The following FAM131B variants were observed in gnomAD, a reference collection of about 807,000 sequenced individuals.
FAM131B encodes the protein protein FAM131B.
A neutral mutation model predicts 42.0 loss-of-function variants in FAM131B; 19 were observed. That is an observed-to-expected ratio of 0.45 (90% CI 0.32 to 0.66). FAM131B has a LOEUF of 0.66. Among genes scored for constraint, FAM131B ranks in the 30% least tolerant of loss-of-function variants. FAM131B has a pLI of 0.05. For missense variants in FAM131B, 370 were observed against 468.4 expected (o/e 0.79, Z 1.94); for synonymous variants, 183 against 177.6 (o/e 1.03, Z -0.24).
At chr7:143,369,251 C>A in the FAM131B span, among the ~76,000 whole-genome samples, 1 of 152,200 alleles carries the variant, frequency 6.6e-6, no homozygotes, top group African/African-American at 2.4e-5. Flanking sequence ...CTAAGATGCA[C>A]CCCTAAAGCT....
At position 143,362,414 on chromosome 7, in the gene FAM131B, G is replaced by A. The variant is rs939707740; in HGVS notation, c.28+162C>T. On this transcript the variant is annotated intron_variant, in intron 1 of 6. Coordinates refer to ENST00000443739, the MANE Select transcript of FAM131B (RefSeq NM_001031690.3). The surrounding 1 kb of genome is among the most constrained non-coding windows in gnomAD (Gnocchi z 7.7). Reference sequence around the variant, plus strand: ...GCAAGACGAGAGCGGGCAGGAAGGAGGGACAGAGGGACCGCGGGCGGACGG... The same window carrying A: ...GCAAGACGAGAGCGGGCAGGAAGGAAGGACAGAGGGACCGCGGGCGGACGG... 6.6e-6 allele frequency among the ~76,000 whole-genome samples: 1 copy of A among 152,032 alleles called. No homozygotes were observed. The highest frequency in any genetic ancestry group is 2.4e-5 in the African/African-American group (1 of 41,404).
In FAM131B at chr7:143,353,602, G is replaced by A. The variant is rs1055531678; in HGVS notation, c.*2948C>T. On this transcript the variant is annotated 3_prime_UTR_variant, in exon 7 of 7. Coordinates refer to ENST00000443739, the MANE Select transcript of FAM131B (RefSeq NM_001031690.3). ...AATTCTCTCTATAATATATGTCATA[G>A]AATCTCTCTTGGGCCTGGCGTGGGA... 6.6e-6 allele frequency: 1 copy of A among 152,524 alleles called. No individual in the cohort carries two copies. The highest frequency in any genetic ancestry group is 1.5e-5 in the Non-Finnish European group (1 of 68,032). 9.4% of individuals were successfully genotyped at this position (152,524 alleles called of 1,614,324 possible). A position where few individuals can be genotyped will look rare whatever the true frequency, so the allele number is the denominator to read the frequency against.
At position 143,356,846 on chromosome 7, in the gene FAM131B, T is replaced by C. The variant is rs749135584; in HGVS notation, c.787A>G (p.Met263Val). ...FDDSQPSLHE[M>V]GPSQPASGYS... is the part of the protein sequence containing the mutation. Reference sequence around the variant, plus strand: ...CCTGAAGCTGGTTGGGAAGGTCCCATTTCATGCAAGCTGGGTTGTGAGTCA... The same window carrying C: ...CCTGAAGCTGGTTGGGAAGGTCCCACTTCATGCAAGCTGGGTTGTGAGTCA... The change falls in exon 7 of 7, where the codon ATG becomes GTG. Residue 263 changes from methionine to valine, a missense_variant. Met to Val is a conservative substitution (Grantham distance 21). Transcript: ENST00000443739. The surrounding 1 kb of genome is among the most constrained non-coding windows in gnomAD (Gnocchi z 4.4). 8 of 1,614,070 alleles carry C rather than the reference T, an allele frequency of 5.0e-6. No homozygotes were observed. In the South Asian group the frequency reaches 8.8e-5, roughly 18 times the overall value.
chr7:143,381,753 G>A, the FAM131B span: 1 of 1,586,520 alleles, frequency 6.3e-7, no homozygotes, highest in Non-Finnish European at 8.6e-7. Flanking sequence ...GGCCGGGTGG[G>A]CGAGATTCCC....
At chr7:143,368,660 T>C in the FAM131B span, among the ~76,000 whole-genome samples, 17 of 152,230 alleles carry the variant, frequency 1.1e-4, no homozygotes, top group African/African-American at 4.1e-4. Flanking sequence ...AGCCTGATGG[T>C]TGAGGCTCTA....
chr7:143,382,228 C>G, the FAM131B span: 1 of 1,609,476 alleles, frequency 6.2e-7, no homozygotes. Context: ...CGGCCGACGT[C>G]TTTCTCCTTC....
At chr7:143,365,983 C>T (rs1400848204), upstream of FAM131B, among the ~76,000 whole-genome samples, 2 of 152,144 alleles carry the variant, frequency 1.3e-5, no homozygotes, top group Non-Finnish European at 2.9e-5. Flanking sequence ...AACTCCTGGC[C>T]TCAAGCAATC....
the FAM131B span, among the ~76,000 whole-genome samples, chr7:143,371,992 C>T: frequency 6.6e-5 from 10 of 152,120 alleles, no homozygotes; most frequent in African/African-American, 1.2e-4. Context: ...TAATTTTCTC[C>T]TTGCAACAGG....
rs1803777825 is a variant in FAM131B, at chr7:143,358,257, T to C, written c.466+570A>G. ...CAATACTTCCTTTCTCTTCCAGACC[T>C]ATCCCTTTCTAGGCATCTTATTTAG... On this transcript the variant is annotated intron_variant, in intron 5 of 6. Transcript: ENST00000443739. The surrounding 1 kb of genome is among the most constrained non-coding windows in gnomAD (Gnocchi z 4.7). Among the ~76,000 whole-genome samples the C allele has an allele frequency of 1.3e-5, 2 of 152,192 alleles. No homozygotes were observed. The highest frequency in any genetic ancestry group is 1.3e-4 in the Admixed American group (2 of 15,284).
In FAM131B at chr7:143,359,311, C is replaced by T; in HGVS notation, c.268+15G>A. The T allele has an allele frequency of 6.3e-7, 1 of 1,587,592 alleles. No individual in the cohort carries two copies. The highest frequency in any genetic ancestry group is 1.1e-5 in the South Asian group (1 of 89,900). On this transcript the variant is annotated intron_variant, in intron 4 of 6. Coordinates refer to ENST00000443739, the MANE Select transcript of FAM131B (RefSeq NM_001031690.3). The surrounding 1 kb of genome is among the most constrained non-coding windows in gnomAD (Gnocchi z 5.4). Reference sequence around the variant, plus strand: ...ATTATTTTGTCTGAAGGCATTCTTACATCAGGAGTCTCACCTGAGAATGAT... The same window carrying T: ...ATTATTTTGTCTGAAGGCATTCTTATATCAGGAGTCTCACCTGAGAATGAT...
At chr7:143,382,024 G>A in the FAM131B span, 1 of 606,700 alleles carries the variant, frequency 1.6e-6, no homozygotes, top group Non-Finnish European at 2.8e-6. Context: ...TCCCCTCCGG[G>A]TCCGTTTTCC....
chr7:143,369,393 G>C, the FAM131B span, among the ~76,000 whole-genome samples: 1 of 152,118 alleles, frequency 6.6e-6, no homozygotes, highest in Non-Finnish European at 1.5e-5. Context: ...AAAATGTTTT[G>C]GCCGGGCGCG....
rs1036331677 is a variant in FAM131B at position 143,362,666 on chromosome 7, G to A, written c.-63C>T. 2.1e-5 allele frequency: 21 copies of A among 999,852 alleles called. No homozygotes were observed. In the Admixed American group the frequency reaches 4.2e-4, roughly 20 times the overall value. The allele number at this position is 999,852 out of a possible 1,614,324, so 61.9% of individuals were successfully genotyped here. On this transcript the variant is annotated 5_prime_UTR_variant, in exon 1 of 7. Transcript: ENST00000443739. This position sits in a 1 kb window ranked among gnomAD's most constrained non-coding sequence, Gnocchi z 7.7. ...GGGGCGCGCGCCGGGGGGAGCACCG[G>A]GAGCCGCGCCGCCGCCCCAGCCGCT...
chr7:143,358,880 G>A lies in FAM131B; in HGVS notation c.413C>T (p.Thr138Met), dbSNP rs767327628. ...ATCGCTGAGGTCGGAGTAGGCATCC[G>A]TATCCCTGCGCACGGACTCATGGCT... ...QHSHESVRRDTDAYSDLSDGE... is the reference protein window; with the variant it reads ...QHSHESVRRDMDAYSDLSDGE... Residue 138 changes from threonine to methionine, a missense_variant, in exon 5 of 7, where the codon ACG (threonine) becomes ATG (methionine). Thr to Met is a moderately conservative substitution (Grantham distance 81). Transcript: ENST00000443739. This position sits in a 1 kb window ranked among gnomAD's most constrained non-coding sequence, Gnocchi z 4.7. 2.8e-5 allele frequency: 45 copies of A among 1,613,940 alleles called. No homozygotes were observed. Among genetic ancestry groups the A allele is most frequent in the Non-Finnish European group, 3.4e-5 (40 of 1,180,000 alleles).
Position 143,359,206 on chromosome 7 carries a change from G to A in FAM131B, c.268+120C>T. On this transcript the variant is annotated intron_variant, in intron 4 of 6. Transcript: ENST00000443739. This position sits in a 1 kb window ranked among gnomAD's most constrained non-coding sequence, Gnocchi z 5.4. Reference sequence around the variant, plus strand: ...GGAGGATGGGAGGCTTGACAGAAGGGTGAATAGGTCAGGGGGTGGGGATGA... The same window carrying A: ...GGAGGATGGGAGGCTTGACAGAAGGATGAATAGGTCAGGGGGTGGGGATGA... 1 of 1,012,272 alleles carries A rather than the reference G, an allele frequency of 9.9e-7. No individual in the cohort carries two copies. The highest frequency in any genetic ancestry group is 1.4e-5 in the South Asian group (1 of 69,720). The allele number at this position is 1,012,272 out of a possible 1,614,324, so 62.7% of individuals were successfully genotyped here.
At chr7:143,382,044 C>G in the FAM131B span, 1 of 604,976 alleles carries the variant, frequency 1.7e-6, no homozygotes, top group South Asian at 2.1e-5. Flanking sequence ...CGAAGTGTAA[C>G]GGGAGCTGCA....
chr7:143,359,165 G>A lies in FAM131B; in HGVS notation c.269-141C>T, dbSNP rs1266733942. On this transcript the variant is annotated intron_variant, in intron 4 of 6. Transcript: ENST00000443739. The surrounding 1 kb of genome is among the most constrained non-coding windows in gnomAD (Gnocchi z 5.4). ...CCCTAAGGACTCCATAGATGGGGTA[G>A]TGGAGGGAATGGCCTGGAGGATGGG... The A allele has an allele frequency of 9.6e-7, 1 of 1,041,666 alleles. No individual in the cohort carries two copies. Among genetic ancestry groups the A allele is most frequent in the Non-Finnish European group, 1.4e-6 (1 of 702,814 alleles). The allele number at this position is 1,041,666 out of a possible 1,614,324, so 64.5% of individuals were successfully genotyped here.
chr7:143,362,903 C>A (rs1185381295), upstream of FAM131B: 2 of 151,944 alleles, frequency 1.3e-5, no homozygotes, highest in Non-Finnish European at 3.0e-5. This position sits in a 1 kb window ranked among gnomAD's most constrained non-coding sequence, Gnocchi z 7.7. Context: ...CCGGGGCGCT[C>A]CCTCGGGGAT....
Position 143,358,761 on chromosome 7 carries a change from C to T in FAM131B, c.466+66G>A, listed in dbSNP as rs929105774. On this transcript the variant is annotated intron_variant, in intron 5 of 6. Coordinates refer to ENST00000443739, the MANE Select transcript of FAM131B (RefSeq NM_001031690.3). This position sits in a 1 kb window ranked among gnomAD's most constrained non-coding sequence, Gnocchi z 4.7. ...TGGAGCTAATCCTGCCACAGGGGAT[C>T]AGGTTGGAGGGTCGGTCCCTGGCCA... The T allele has an allele frequency of 1.6e-6, 2 of 1,268,734 alleles. No individual in the cohort carries two copies. Among genetic ancestry groups the T allele is most frequent in the South Asian group, 2.5e-5 (2 of 80,278 alleles). 78.6% of individuals were successfully genotyped at this position (1,268,734 alleles called of 1,614,324 possible). A position where few individuals can be genotyped will look rare whatever the true frequency, so the allele number is the denominator to read the frequency against.
Sources: allele counts gnomAD v4.1 joint callset (sites outside exome capture counted in the v4.1 genomes callset), GRCh38; gene constraint gnomAD v4.1.1; non-coding constraint Gnocchi (gnomAD v3.1); transcripts MANE v1.5; gene names NCBI Gene and HGNC (gene_info 2026-07-23, HGNC 2026-07-21).